CELF4: variants seen among roughly 807,000 people sequenced by gnomAD.
CELF4 encodes CUGBP Elav-like family member 4.
CELF4 carries 18 observed loss-of-function variants against 59.9 expected under a neutral mutation model. The observed-to-expected ratio is 0.30, with a 90% CI of 0.21 to 0.45. The LOEUF is 0.45. CELF4 is among the 20% of genes least tolerant of loss of function. CELF4 has a pLI of 1.00. For synonymous variants in CELF4, 261 were observed against 267.1 expected (o/e 0.98, Z 0.22); for missense variants, 456 against 689.0 (o/e 0.66, Z 3.79).
chr18:37,459,344 G>A (rs1216936414), intron 2 of CELF4, among the ~76,000 whole-genome samples: 5 of 148,354 alleles, frequency 3.4e-5, no homozygotes, highest in Non-Finnish European at 6.1e-5. Flanking sequence ...CTCTCTCCCA[G>A]AGTTAATGGT....
At chr18:37,469,694 C>G (rs1349823715) in intron 2 of CELF4, among the ~76,000 whole-genome samples, 1 of 152,240 alleles carries the variant, frequency 6.6e-6, no homozygotes, top group Non-Finnish European at 1.5e-5. Flanking sequence ...ATGGCACATA[C>G]TGTCTTCTCA....
At chr18:37,415,137 A>T (rs1842955764) in intron 2 of CELF4, among the ~76,000 whole-genome samples, 1 of 152,174 alleles carries the variant, frequency 6.6e-6, no homozygotes. Context: ...GAAAGGTTTC[A>T]TGAAGCAAGT....
At chr18:37,393,846 C>G (rs1221386757) in intron 2 of CELF4, among the ~76,000 whole-genome samples, 1 of 148,102 alleles carries the variant, frequency 6.8e-6, no homozygotes, top group African/African-American at 2.5e-5. Context: ...AGTGATATTC[C>G]TTTACGCGGC....
chr18:37,353,130 A>G (rs2098483221), intron 2 of CELF4, among the ~76,000 whole-genome samples: 1 of 150,730 alleles, frequency 6.6e-6, no homozygotes, highest in African/African-American at 2.4e-5. Flanking sequence ...CTGAGGCAGG[A>G]GAATTGCTTG....
At chr18:37,418,471 A>T (rs1038455196) in intron 2 of CELF4, among the ~76,000 whole-genome samples, 3 of 152,254 alleles carry the variant, frequency 2.0e-5, no homozygotes, top group Middle Eastern at 6.8e-3. Flanking sequence ...ACTTGGCTTC[A>T]TACACACCCT....
Position 37,382,422 on chromosome 18 carries a change from T to C in CELF4, c.370-60541A>G, listed in dbSNP as rs146258959. The stretch of plus-strand genomic sequence containing the variant: ...TCCTGACACACACACAGCAGGTCCA[T>C]AACCAAACCAGGCTCTGTCTTAGGT... On this transcript the variant is annotated intron_variant, in intron 2 of 12. Transcript: ENST00000420428. Among the ~76,000 whole-genome samples the C allele has an allele frequency of 7.6e-4, 115 of 152,312 alleles. 3 individuals carry two copies. The East Asian group carries it at 0.021, about 28-fold the overall frequency.
intron 2 of CELF4, among the ~76,000 whole-genome samples, chr18:37,423,837 C>A (rs536179233): frequency 3.3e-5 from 5 of 152,076 alleles, no homozygotes; most frequent in Non-Finnish European, 7.4e-5. Context: ...GCTCACAGAT[C>A]TTTGACTGGG....
intron 2 of CELF4, among the ~76,000 whole-genome samples, chr18:37,386,817 C>T (rs557499225): frequency 1.3e-5 from 2 of 152,276 alleles, no homozygotes; most frequent in East Asian, 3.9e-4. Context: ...GCATGTTCAC[C>T]TCTTCACTTT....
chr18:37,504,268 A>T (rs559285771), intron 1 of CELF4, among the ~76,000 whole-genome samples: 1 of 152,046 alleles, frequency 6.6e-6, no homozygotes. Flanking sequence ...AGGCAGGTGG[A>T]TCTTCTGAGG....
chr18:37,499,622 G>C (rs900336895), intron 1 of CELF4, among the ~76,000 whole-genome samples: 1 of 152,222 alleles, frequency 6.6e-6, no homozygotes. Flanking sequence ...GGCAGGGCTG[G>C]CCCCTCTGCA....
At chr18:37,425,484 G>A (rs1051552489) in intron 2 of CELF4, among the ~76,000 whole-genome samples, 8 of 152,208 alleles carry the variant, frequency 5.3e-5, no homozygotes, top group African/African-American at 9.7e-5. Flanking sequence ...CTAACTGTGG[G>A]TTTATTAATG....
At chr18:37,548,993 G>A (rs752413761) in intron 1 of CELF4, among the ~76,000 whole-genome samples, 6 of 152,194 alleles carry the variant, frequency 3.9e-5, no homozygotes, top group Non-Finnish European at 7.3e-5. Flanking sequence ...CATGCGGACC[G>A]TCCACCGAAC....
intron 3 of CELF4, among the ~76,000 whole-genome samples, chr18:37,286,234 G>T (rs2094747803): frequency 6.6e-6 from 1 of 152,202 alleles, no homozygotes; most frequent in South Asian, 2.1e-4. Flanking sequence ...GGCCACAAAT[G>T]CTAGGGAAGA....
At chr18:37,262,280 A>G (rs1015032041) in intron 10 of CELF4, among the ~76,000 whole-genome samples, 2 of 151,910 alleles carry the variant, frequency 1.3e-5, no homozygotes, top group African/African-American at 4.8e-5. Context: ...GGCTCAACCC[A>G]TGGACCATGG....
At chr18:37,368,679 T>C (rs73950712) in intron 2 of CELF4, among the ~76,000 whole-genome samples, 2,172 of 152,310 alleles carry the variant, frequency 0.014, 55 homozygotes, top group African/African-American at 0.05. Flanking sequence ...CCCCAGGGTT[T>C]GGGGTCACCT....
intron 1 of CELF4, among the ~76,000 whole-genome samples, chr18:37,554,539 C>T (rs543251661): frequency 6.6e-6 from 1 of 152,312 alleles, no homozygotes; most frequent in Admixed American, 6.5e-5. Flanking sequence ...ACCCGCCCCT[C>T]ATCTTAGCAG....
chr18:37,546,657 A>C (rs1489237428), intron 1 of CELF4, among the ~76,000 whole-genome samples: 1 of 152,284 alleles, frequency 6.6e-6, no homozygotes, highest in East Asian at 1.9e-4. Context: ...TAGAAAACAC[A>C]GCTCTCCCAC....
rs553752552 is a variant in CELF4 at position 37,267,865 on chromosome 18, G to A, written c.1100-1267C>T. 5.3e-5 allele frequency among the ~76,000 whole-genome samples: 8 copies of A among 152,216 alleles called. No homozygotes were observed. The South Asian group carries it at 6.2e-4, about 12-fold the overall frequency. ...AGCCTGGCCAACATGGTGAAAACCC[G>A]TCTCTACTAAAAATACAAAAAAATT... On this transcript the variant is annotated intron_variant, in intron 8 of 12. Coordinates refer to ENST00000420428, the MANE Select transcript of CELF4 (RefSeq NM_020180.4).
intron 2 of CELF4, among the ~76,000 whole-genome samples, chr18:37,401,315 T>C (rs886416631): frequency 2.6e-5 from 4 of 152,220 alleles, no homozygotes; most frequent in Non-Finnish European, 5.9e-5. Context: ...TTTCATGTGG[T>C]TGGCTGTGTC....
Sources: gnomAD v4.1 joint callset for allele counts (sites outside exome capture counted in the v4.1 genomes callset) on GRCh38, gnomAD v4.1.1 for gene constraint, MANE v1.5 for transcripts, NCBI Gene and HGNC (gene_info 2026-07-23, HGNC 2026-07-21) for gene names.